Variants in C2CD2 observed in about 807,000 individuals in gnomAD.
C2CD2 encodes the protein C2 calcium dependent domain containing 2.
C2CD2 carries 43 observed loss-of-function variants against 74.3 expected under a neutral mutation model. That is an observed-to-expected ratio of 0.58 (90% confidence interval 0.45 to 0.75). The LOEUF (loss-of-function observed/expected upper bound fraction) is 0.75, where lower values mean the gene tolerates loss of function less well. Among genes scored for constraint, C2CD2 ranks in the 30% least tolerant of loss-of-function variants. The pLI is 0.00. For synonymous variants in C2CD2, 422 were observed against 390.7 expected (o/e 1.08, Z -0.94); for missense variants, 801 against 916.3 (o/e 0.87, Z 1.63).
chr21:41,914,294 TAAAAAAAA>T (rs72131335), intron 6 of C2CD2, among the ~76,000 whole-genome samples: 1 of 134,890 alleles, frequency 7.4e-6, no homozygotes, highest in Non-Finnish European at 1.6e-5. Context: ...GTTCAACAGT[TAAAAAAAA>T]AAAAAAAAAG....
At chr21:41,898,601 G>A (rs2064851554) in intron 13 of C2CD2, among the ~76,000 whole-genome samples, 1 of 152,176 alleles carries the variant, frequency 6.6e-6, no homozygotes, top group Non-Finnish European at 1.5e-5. Context: ...AGCCTCCTAG[G>A]GTCAGGTGGT....
At chr21:41,897,569 A>T (rs192839475) in intron 13 of C2CD2, among the ~76,000 whole-genome samples, 1 of 152,312 alleles carries the variant, frequency 6.6e-6, no homozygotes, top group East Asian at 1.9e-4. Context: ...CCATGCATCA[A>T]GCACCCCAAG....
In C2CD2 at chr21:41,889,128, G is replaced by C; in HGVS notation, c.2087C>G (p.Thr696Arg). 6.2e-7 allele frequency: 1 copy of C among 1,610,214 alleles called. No individual in the cohort carries two copies. The highest frequency in any genetic ancestry group is 8.5e-7 in the Non-Finnish European group (1 of 1,178,174). ...TMNGAPVEPC[T>R] Reference sequence around the variant, plus strand: ...TGGAGGTGATGACCTCAGGCCCTACGTGCAGGGCTCCACGGGGGCACCGTT... The same window carrying C: ...TGGAGGTGATGACCTCAGGCCCTACCTGCAGGGCTCCACGGGGGCACCGTT... The change falls in exon 14 of 14, where the codon ACG becomes AGG. Residue 696 changes from threonine to arginine, a missense_variant. Thr to Arg is a moderately conservative substitution (Grantham distance 71, BLOSUM62 -1). Transcript: ENST00000380486.
At chr21:41,953,270 C>G in intron 1 of C2CD2, 100 bp downstream of exon 1, 1 of 760,346 alleles carries the variant, frequency 1.3e-6, no homozygotes, top group Non-Finnish European at 1.9e-6. Flanking sequence ...ACTCCCTTAG[C>G]CTGGGTCAGG....
chr21:41,906,909 C>T, intron 10 of C2CD2, 83 bp downstream of exon 10: 2 of 1,100,642 alleles, frequency 1.8e-6, no homozygotes, highest in Non-Finnish European at 1.4e-6. Flanking sequence ...CTGCAGGCTC[C>T]AGAACTCTGC....
Position 41,907,695 on chromosome 21 carries a change from A to G in C2CD2, c.1108T>C (p.Cys370Arg). Residue 370 changes from cysteine to arginine, a missense_variant, in exon 9 of 14, where the codon TGC becomes CGC. Coordinates refer to ENST00000380486, the MANE Select transcript of C2CD2 (RefSeq NM_015500.2). The part of the protein sequence containing the change: ...QSFTLTSGSA[C>R]GSSVLGSVTA... ...ACCGAGCCCAGCACCGAGCTGCCGCAGGCAGACCCGCTGGTCAGCGTGAAG... is the reference window on the plus strand; with the variant it reads ...ACCGAGCCCAGCACCGAGCTGCCGCGGGCAGACCCGCTGGTCAGCGTGAAG... The G allele has an allele frequency of 6.2e-7, 1 of 1,612,580 alleles. No homozygotes were observed. The highest frequency in any genetic ancestry group is 8.5e-7 in the Non-Finnish European group (1 of 1,179,792).
At chr21:41,893,156 A>T (rs112158613) in intron 13 of C2CD2, among the ~76,000 whole-genome samples, 1 of 152,208 alleles carries the variant, frequency 6.6e-6, no homozygotes. Flanking sequence ...TTTAAAAAAT[A>T]AAAAAATTAA....
intron 2 of C2CD2, among the ~76,000 whole-genome samples, chr21:41,938,038 G>A (rs1157594044): frequency 2.6e-5 from 4 of 152,098 alleles, no homozygotes; most frequent in African/African-American, 9.7e-5. Flanking sequence ...GCATACCGTG[G>A]TGACTAAAGT....
chr21:41,919,034 CTGTG>C (rs3833357), intron 3 of C2CD2, 74 bp from the exon 4 acceptor site: 1 of 989,234 alleles, frequency 1.0e-6, no homozygotes, highest in Non-Finnish European at 1.6e-6. Flanking sequence ...GTGCATGTGA[CTGTG>C]TGAGCATGTG....
intron 1 of C2CD2, among the ~76,000 whole-genome samples, chr21:41,944,364 C>CA (rs2065380535): frequency 6.6e-6 from 1 of 151,186 alleles, no homozygotes; most frequent in Admixed American, 6.6e-5. Flanking sequence ...TACACACACA[C>CA]AAAAAAAATT....
chr21:41,902,855 A>C (rs529460793), intron 11 of C2CD2, among the ~76,000 whole-genome samples: 1 of 152,124 alleles, frequency 6.6e-6, no homozygotes, highest in Non-Finnish European at 1.5e-5. Flanking sequence ...CATTCCTAAT[A>C]AGCCCCTGCA....
intron 5 of C2CD2, among the ~76,000 whole-genome samples, chr21:41,917,484 T>C (rs1318634574): frequency 2.0e-5 from 3 of 152,230 alleles, no homozygotes; most frequent in African/African-American, 7.2e-5. Context: ...GAACTCACCT[T>C]AAACAAAGGA....
At chr21:41,925,340 C>T (rs1431933119) in intron 2 of C2CD2, among the ~76,000 whole-genome samples, 5 of 151,414 alleles carry the variant, frequency 3.3e-5, no homozygotes, top group African/African-American at 2.4e-5. Flanking sequence ...AAAAATTAGC[C>T]AAGCATGGTG....
intron 2 of C2CD2, among the ~76,000 whole-genome samples, chr21:41,932,080 T>C (rs1368515005): frequency 7.9e-6 from 1 of 125,862 alleles, no homozygotes. Context: ...CCACTCCACC[T>C]CCAGGGAGGG....
chr21:41,935,104 C>A (rs1282101562), intron 2 of C2CD2, among the ~76,000 whole-genome samples: 2 of 152,158 alleles, frequency 1.3e-5, no homozygotes, highest in African/African-American at 4.8e-5. Flanking sequence ...GTTGGCCAGG[C>A]TGGTCTCGAA....
Position 41,953,619 on chromosome 21 carries a change from G to A in C2CD2, c.30C>T (p.Leu10=), listed in dbSNP as rs561571627. 7.9e-4 allele frequency: 1,178 copies of A among 1,495,094 alleles called. 1 individual carries two copies. Among genetic ancestry groups the A allele is most frequent in the Non-Finnish European group, 9.3e-4 (1,048 of 1,131,916 alleles). 92.6% of individuals were successfully genotyped at this position (1,495,094 alleles called of 1,614,324 possible). A position where few individuals can be genotyped will look rare whatever the true frequency, so the allele number is the denominator to read the frequency against. The change falls in exon 1 of 14, where the codon CTC becomes CTT. Residue 10 remains leucine, a synonymous_variant. Coordinates refer to ENST00000380486, the MANE Select transcript of C2CD2 (RefSeq NM_015500.2). ...CCAGCGCGAGCCACTGCGCCTCCCC[G>A]AGCCACGAGCCCAGCCGGGCCATGG... MAMARLGSW[L]GEAQWLALVS... is the part of the protein sequence containing the mutation.
At chr21:41,944,339 C>T (rs1048002695) in intron 1 of C2CD2, among the ~76,000 whole-genome samples, 1 of 151,778 alleles carries the variant, frequency 6.6e-6, no homozygotes. Flanking sequence ...GGTGAAACCC[C>T]GTCCCTATTA....
rs182726883 is a variant in C2CD2 at position 41,905,001 on chromosome 21, C to T, written c.1432+723G>A. On this transcript the variant is annotated intron_variant, in intron 11 of 13. Coordinates refer to ENST00000380486, the MANE Select transcript of C2CD2 (RefSeq NM_015500.2). ...ATTTCCTATTCGTAGTGACCATTTC[C>T]TAGTGGAAGGGAAAACTACTTCTAC... 1.8e-3 allele frequency among the ~76,000 whole-genome samples: 281 copies of T among 152,254 alleles called. 3 individuals are homozygous for T. The highest frequency in any genetic ancestry group is 3.3e-3 in the Admixed American group (51 of 15,284).
rs910578537 is a variant in C2CD2 at position 41,918,026 on chromosome 21, G to A, written c.720+79C>T. ...ATGGGAGGTGGAGGAACGCTGGAACGCACACAGATTCTCCAAGAGAGGTGG... is the reference window on the plus strand; with the variant it reads ...ATGGGAGGTGGAGGAACGCTGGAACACACACAGATTCTCCAAGAGAGGTGG... On this transcript the variant is annotated intron_variant, in intron 5 of 13. Transcript: ENST00000380486. 8.4e-6 allele frequency: 13 copies of A among 1,540,332 alleles called. No individual in the cohort carries two copies. The East Asian group carries it at 9.1e-5, about 11-fold the overall frequency.
Sources: allele counts gnomAD v4.1 joint callset (sites outside exome capture counted in the v4.1 genomes callset), GRCh38; gene constraint gnomAD v4.1.1; transcripts MANE v1.5; gene names NCBI Gene and HGNC (gene_info 2026-07-23, HGNC 2026-07-21).